The following KLF12 variants were observed in gnomAD, a reference collection of about 807,000 sequenced individuals.
KLF12 encodes the protein Krueppel-like factor 12.
In KLF12, 9 loss-of-function variants were observed where a neutral mutation model predicts 37.8. The ratio of observed to expected loss-of-function variants is 0.24; its 90% CI spans 0.14 to 0.42. The LOEUF is 0.42. Among genes scored for constraint, KLF12 ranks in the 10% least tolerant of loss-of-function variants. The pLI is 1.00. For missense variants in KLF12, 411 were observed against 516.0 expected, an observed-to-expected ratio of 0.80 and a Z score of 1.97; for synonymous variants, 208 against 202.1, an observed-to-expected ratio of 1.03 and a Z score of -0.25.
upstream of KLF12, among the ~76,000 whole-genome samples, chr13:74,134,017 G>A (rs1359470603): frequency 6.6e-6 from 1 of 152,126 alleles, no homozygotes; most frequent in African/African-American, 2.4e-5. Flanking sequence ...GGTGGGTGGA[G>A]GCTGCCGAGT....
intron 1 of KLF12, among the ~76,000 whole-genome samples, chr13:74,058,081 C>A (rs565542818): frequency 6.6e-6 from 1 of 151,326 alleles, no homozygotes; most frequent in African/African-American, 2.4e-5. Context: ...ATTCTCCTAC[C>A]GCAGCCTCCC....
chr13:73,740,308 A>C (rs1224990313), intron 6 of KLF12, among the ~76,000 whole-genome samples: 1 of 152,188 alleles, frequency 6.6e-6, no homozygotes, highest in Non-Finnish European at 1.5e-5. Context: ...GGCCCTTACC[A>C]GACACTGAAT....
chr13:74,016,204 C>T (rs557371945), intron 1 of KLF12, among the ~76,000 whole-genome samples: 1 of 152,010 alleles, frequency 6.6e-6, no homozygotes, highest in Admixed American at 6.6e-5. Context: ...AAGAGATAGC[C>T]AAATGGCCAT....
At chr13:73,948,778 T>C (rs181000431) in intron 2 of KLF12, among the ~76,000 whole-genome samples, 191 of 152,338 alleles carry the variant, frequency 1.3e-3, no homozygotes, top group African/African-American at 3.3e-3. Context: ...GCAAAACCTT[T>C]GCTTATATAC....
At chr13:74,017,258 T>TAAAAAAAA (rs56321692) in intron 1 of KLF12, among the ~76,000 whole-genome samples, 1 of 45,608 alleles carries the variant, frequency 2.2e-5, no homozygotes, top group African/African-American at 8.8e-5. Flanking sequence ...GCCCTCAACC[T>TAAAAAAAA]AAAAAAAAAA....
intron 2 of KLF12, among the ~76,000 whole-genome samples, chr13:73,987,158 A>C (rs971196029): frequency 1.3e-5 from 2 of 152,152 alleles, no homozygotes; most frequent in African/African-American, 4.8e-5. Context: ...ACACTGAAAA[A>C]CTGATTACGT....
At chr13:73,783,924 A>G (rs1253216047) in intron 5 of KLF12, among the ~76,000 whole-genome samples, 1 of 152,150 alleles carries the variant, frequency 6.6e-6, no homozygotes, top group Non-Finnish European at 1.5e-5. Flanking sequence ...TTCCACAGGT[A>G]CACATATGCT....
intron 5 of KLF12, among the ~76,000 whole-genome samples, chr13:73,774,767 T>G (rs1880496069): frequency 6.6e-6 from 1 of 152,100 alleles, no homozygotes; most frequent in Non-Finnish European, 1.5e-5. Flanking sequence ...GCAATACAGA[T>G]CTATTAGAAA....
intron 1 of KLF12, among the ~76,000 whole-genome samples, chr13:74,058,353 CTTTT>C (rs55954411): frequency 2.8e-5 from 2 of 72,644 alleles, no homozygotes; most frequent in Non-Finnish European, 2.6e-5. Flanking sequence ...ATAATTTTAT[CTTTT>C]TTTTTTTTTT....
chr13:74,017,160 T>A (rs1205016963), intron 1 of KLF12, among the ~76,000 whole-genome samples: 1 of 147,824 alleles, frequency 6.8e-6, no homozygotes, highest in South Asian at 2.2e-4. Flanking sequence ...TGGGAACTCA[T>A]CCATTTGTAC....
intron 6 of KLF12, among the ~76,000 whole-genome samples, chr13:73,729,616 G>A (rs529746665): frequency 3.3e-5 from 5 of 152,156 alleles, no homozygotes; most frequent in Non-Finnish European, 5.9e-5. Flanking sequence ...ATGTCAAGAT[G>A]ATAATGTTAA....
chr13:73,840,468 A>G (rs908025278), intron 4 of KLF12, among the ~76,000 whole-genome samples: 1 of 152,084 alleles, frequency 6.6e-6, no homozygotes, highest in African/African-American at 2.4e-5. Flanking sequence ...TGGAACAGGC[A>G]TATCAAATTT....
rs138774149 is a variant in KLF12, at chr13:74,060,240, G to A, written c.-31-65187C>T. 5.5e-4 allele frequency among the ~76,000 whole-genome samples: 84 copies of A among 152,040 alleles called. No homozygotes were observed. The South Asian group carries it at 6.2e-3, about 11-fold the overall frequency. Reference sequence around the variant, plus strand: ...TTGGTTAGGATTGTTTTGGTTGCTCGTGGTCTTTTTTGTTTTCATATAAAC... The same window carrying A: ...TTGGTTAGGATTGTTTTGGTTGCTCATGGTCTTTTTTGTTTTCATATAAAC... On this transcript the variant is annotated intron_variant, in intron 1 of 7. Transcript: ENST00000377669.
chr13:74,167,299 T>G, the KLF12 span, among the ~76,000 whole-genome samples: 1 of 152,202 alleles, frequency 6.6e-6, no homozygotes, highest in Non-Finnish European at 1.5e-5. Context: ...TATAACTCAC[T>G]TTTTTGCTTC....
chr13:73,874,282 A>G (rs529647342), intron 3 of KLF12, among the ~76,000 whole-genome samples: 29 of 152,332 alleles, frequency 1.9e-4, no homozygotes, highest in African/African-American at 6.5e-4. Flanking sequence ...TAGGTAAATC[A>G]TTTGCATTAT....
intron 3 of KLF12, among the ~76,000 whole-genome samples, chr13:73,849,382 A>ACC (rs1885202553): frequency 6.7e-6 from 1 of 148,152 alleles, no homozygotes. Context: ...CCATAAAAAA[A>ACC]AAAAAAAAAA....
chr13:73,741,632 T>C (rs1489857342), intron 6 of KLF12, among the ~76,000 whole-genome samples: 1 of 152,204 alleles, frequency 6.6e-6, no homozygotes, highest in Non-Finnish European at 1.5e-5. Flanking sequence ...CAATTTCAAG[T>C]ATGTTAAGGC....
the KLF12 span, among the ~76,000 whole-genome samples, chr13:74,169,407 A>G: frequency 2.0e-5 from 3 of 152,238 alleles, no homozygotes. Flanking sequence ...TTGATCCATA[A>G]AAAATATTAA....
intron 2 of KLF12, among the ~76,000 whole-genome samples, chr13:73,983,382 A>G (rs1891739078): frequency 1.3e-5 from 2 of 152,026 alleles, no homozygotes; most frequent in African/African-American, 2.4e-5. Flanking sequence ...TACCCATCCC[A>G]TTCTTCTCTC....
Sources: allele counts gnomAD v4.1 joint callset (sites outside exome capture counted in the v4.1 genomes callset), GRCh38; gene constraint gnomAD v4.1.1; transcripts MANE v1.5; gene names NCBI Gene and HGNC (gene_info 2026-07-23, HGNC 2026-07-21).